Variants in PRKG1 observed in about 807,000 individuals in gnomAD.
PRKG1 encodes cGMP-dependent protein kinase 1.
PRKG1 carries 35 observed loss-of-function variants against 88.1 expected under a neutral mutation model. That is an observed-to-expected ratio of 0.40 (90% CI 0.30 to 0.53). The LOEUF (loss-of-function observed/expected upper bound fraction) is 0.53. Ranked by LOEUF, PRKG1 falls within the 20% of genes least tolerant of loss-of-function variation. PRKG1 has a pLI of 0.59. For missense variants in PRKG1, 540 were observed against 839.8 expected, an observed-to-expected ratio of 0.64 and a Z score of 4.41; for synonymous variants, 303 against 292.5, an observed-to-expected ratio of 1.04 and a Z score of -0.37.
chr10:51,238,622 G>T (rs921983874), intron 2 of PRKG1, among the ~76,000 whole-genome samples: 7 of 150,380 alleles, frequency 4.7e-5, no homozygotes, highest in African/African-American at 1.7e-4. Flanking sequence ...AATTAGCTGG[G>T]TGTGGTGGTG....
At position 52,267,140 on chromosome 10, in the gene PRKG1, A is replaced by C. The variant is rs926300034; in HGVS notation, c.1174-4210A>C. On this transcript the variant is annotated intron_variant, in intron 10 of 17. Coordinates refer to ENST00000373980, the MANE Select transcript of PRKG1 (RefSeq NM_006258.4). The stretch of plus-strand genomic sequence containing the variant: ...AACAGGAAAAATAAAAAGCAAACTA[A>C]ATGTCACCTTACAATTCATCATGGA... 1.5e-4 allele frequency among the ~76,000 whole-genome samples: 23 copies of C among 152,196 alleles called. 1 individual carries two copies. The highest frequency in any genetic ancestry group is 5.5e-4 in the African/African-American group (23 of 41,554).
intron 3 of PRKG1, among the ~76,000 whole-genome samples, chr10:51,749,807 G>A (rs571268462): frequency 1.3e-5 from 2 of 152,162 alleles, no homozygotes; most frequent in African/African-American, 4.8e-5. Flanking sequence ...CTCCTCAGAG[G>A]ACAGATGCCA....
intron 2 of PRKG1, among the ~76,000 whole-genome samples, chr10:51,402,462 A>G (rs1226949645): frequency 1.3e-5 from 2 of 152,236 alleles, no homozygotes; most frequent in Non-Finnish European, 1.5e-5. Context: ...TGTGTTGCAT[A>G]GTCAGACACC....
intron 1 of PRKG1, among the ~76,000 whole-genome samples, chr10:51,020,896 T>C (rs1843127559): frequency 6.6e-6 from 1 of 152,214 alleles, no homozygotes; most frequent in Non-Finnish European, 1.5e-5. Flanking sequence ...CAATATTAAA[T>C]GTTATTAAGA....
At chr10:51,119,898 C>G (rs1212598068) in intron 1 of PRKG1, among the ~76,000 whole-genome samples, 1 of 152,030 alleles carries the variant, frequency 6.6e-6, no homozygotes, top group Non-Finnish European at 1.5e-5. Flanking sequence ...TACTTGAAAA[C>G]AGAAAACTAA....
chr10:51,627,856 C>CTCCT (rs554014550), intron 3 of PRKG1, among the ~76,000 whole-genome samples: 14 of 117,550 alleles, frequency 1.2e-4, no homozygotes, highest in South Asian at 6.6e-4. Flanking sequence ...CCTTTCCTTT[C>CTCCT]TCCTTCCTTC....
intron 2 of PRKG1, among the ~76,000 whole-genome samples, chr10:51,406,021 A>G (rs1019904514): frequency 3.3e-5 from 5 of 152,106 alleles, no homozygotes; most frequent in African/African-American, 1.2e-4. Context: ...AGGCCCGTGG[A>G]GTGCCCTGTT....
chr10:51,510,048 T>A (rs926036944), intron 3 of PRKG1, among the ~76,000 whole-genome samples: 4 of 152,162 alleles, frequency 2.6e-5, no homozygotes, highest in African/African-American at 9.6e-5. Flanking sequence ...AGCAACAGCA[T>A]AATAAGAGCA....
At chr10:51,224,097 C>T (rs1481818653) in intron 2 of PRKG1, among the ~76,000 whole-genome samples, 1 of 152,140 alleles carries the variant, frequency 6.6e-6, no homozygotes, top group Non-Finnish European at 1.5e-5. Context: ...AGAGGCACTG[C>T]TGGAAGACAG....
intron 2 of PRKG1, among the ~76,000 whole-genome samples, chr10:51,360,905 C>G (rs778157544): frequency 3.2e-4 from 49 of 151,662 alleles, no homozygotes; most frequent in Non-Finnish European, 3.5e-4. Context: ...CATGGTCTAG[C>G]AAAATAACCA....
intron 2 of PRKG1, among the ~76,000 whole-genome samples, chr10:51,367,584 C>T (rs1317967169): frequency 6.6e-6 from 1 of 151,896 alleles, no homozygotes; most frequent in African/African-American, 2.4e-5. Flanking sequence ...CTTGTTGCGT[C>T]TGTCCCCCTT....
At chr10:51,819,442 A>G (rs1262313517) in intron 4 of PRKG1, among the ~76,000 whole-genome samples, 1 of 152,156 alleles carries the variant, frequency 6.6e-6, no homozygotes, top group Non-Finnish European at 1.5e-5. Context: ...ACAAACATCC[A>G]AACTATAGCA....
At chr10:51,230,010 A>G (rs538614069) in intron 2 of PRKG1, among the ~76,000 whole-genome samples, 2 of 152,150 alleles carry the variant, frequency 1.3e-5, no homozygotes, top group Admixed American at 1.3e-4. Flanking sequence ...AAATATTCCT[A>G]ATTTTAACTA....
At chr10:51,710,844 C>T (rs960612747) in intron 3 of PRKG1, among the ~76,000 whole-genome samples, 8 of 151,536 alleles carry the variant, frequency 5.3e-5, no homozygotes, top group Non-Finnish European at 8.8e-5. Context: ...TTGGGGGGGG[C>T]GGGAAATATT....
chr10:52,224,906 C>T (rs1264940836), intron 9 of PRKG1, among the ~76,000 whole-genome samples: 1 of 149,344 alleles, frequency 6.7e-6, no homozygotes, highest in Non-Finnish European at 1.5e-5. Context: ...TGGGTTGGTT[C>T]CATTATTTTG....
chr10:51,162,449 C>T (rs556593165), intron 2 of PRKG1, among the ~76,000 whole-genome samples: 13 of 152,206 alleles, frequency 8.5e-5, no homozygotes, highest in African/African-American at 3.1e-4. Context: ...TATTTTTGTG[C>T]TAAGGCTCCA....
At chr10:52,078,285 C>A (rs1335532892) in intron 7 of PRKG1, among the ~76,000 whole-genome samples, 3 of 152,034 alleles carry the variant, frequency 2.0e-5, no homozygotes, top group Non-Finnish European at 4.4e-5. Flanking sequence ...TGAAGTTAAT[C>A]TTAAAATTGA....
At chr10:51,611,132 A>G (rs1838895659) in intron 3 of PRKG1, among the ~76,000 whole-genome samples, 1 of 151,776 alleles carries the variant, frequency 6.6e-6, no homozygotes, top group Non-Finnish European at 1.5e-5. Flanking sequence ...TTCCTTTTGG[A>G]TAAATACACA....
chr10:51,720,239 C>A (rs1467428079), intron 3 of PRKG1, among the ~76,000 whole-genome samples: 1 of 152,142 alleles, frequency 6.6e-6, no homozygotes, highest in Non-Finnish European at 1.5e-5. Context: ...ATAATTCATT[C>A]CCTGATTATA....
Sources: allele counts gnomAD v4.1 joint callset (sites outside exome capture counted in the v4.1 genomes callset), GRCh38; gene constraint gnomAD v4.1.1; transcripts MANE v1.5; gene names NCBI Gene and HGNC (gene_info 2026-07-23, HGNC 2026-07-21).